Variants in NFASC observed in about 807,000 individuals in gnomAD.
The protein encoded by NFASC is neurofascin homolog.
A neutral mutation model predicts 147.5 loss-of-function variants in NFASC; 43 were observed. The ratio of observed to expected loss-of-function variants is 0.29; its 90% confidence interval spans 0.23 to 0.38. The LOEUF (loss-of-function observed/expected upper bound fraction) is 0.38. Ranked by LOEUF, NFASC falls within the 10% of genes least tolerant of loss-of-function variation. The pLI, the probability that NFASC is intolerant of heterozygous loss-of-function variation, is 1.00. For missense variants in NFASC, 1,320 were observed against 1,689.0 expected (o/e 0.78, Z 3.83); for synonymous variants, 622 against 665.5 (o/e 0.93, Z 1.01).
chr1:204,927,244 T>A (rs1389758325), intron 2 of NFASC, among the ~76,000 whole-genome samples: 44 of 152,072 alleles, frequency 2.9e-4, no homozygotes, highest in Admixed American at 2.9e-3. Context: ...CTTCCCCACC[T>A]CCACCCCCAG....
intron 1 of NFASC, among the ~76,000 whole-genome samples, chr1:204,836,836 A>G (rs1673932588): frequency 6.6e-6 from 1 of 152,262 alleles, no homozygotes; most frequent in African/African-American, 2.4e-5. Context: ...GAGCTAAACC[A>G]GGATTCTGTG....
chr1:204,981,873 G>C lies in NFASC; in HGVS notation c.2323G>C (p.Ala775Pro). 1.9e-6 allele frequency: 3 copies of C among 1,606,646 alleles called. No individual in the cohort carries two copies. Among genetic ancestry groups the C allele is most frequent in the Non-Finnish European group, 2.5e-6 (3 of 1,176,604 alleles). Reference sequence around the variant, plus strand: ...GTGGAGGCGGAGAGAGACTCGAGAGGCCTGGAACAACGTCACAGTGTGGGG... The same window carrying C: ...GTGGAGGCGGAGAGAGACTCGAGAGCCCTGGAACAACGTCACAGTGTGGGG... ...VKWRRRETREAWNNVTVWGSR... is the reference protein window; with the variant it reads ...VKWRRRETREPWNNVTVWGSR... The change falls in exon 21 of 30, where the codon GCC becomes CCC. Residue 775 changes from alanine to proline, a missense_variant. By Grantham distance (27) the Ala-to-Pro change is conservative. Around this residue, in one of 3 missense-constraint regions of NFASC, gnomAD observed 981 missense variants for 1,289.5 expected, o/e 0.76. Transcript: ENST00000339876.
intron 1 of NFASC, among the ~76,000 whole-genome samples, chr1:204,912,217 G>A (rs1477449795): frequency 4.6e-5 from 7 of 151,638 alleles, no homozygotes; most frequent in African/African-American, 1.5e-4. Context: ...GTTCCTCGAG[G>A]TGGGACCTTA....
At chr1:204,867,317 C>G in intron 1 of NFASC, among the ~76,000 whole-genome samples, 1 of 151,758 alleles carries the variant, frequency 6.6e-6, no homozygotes, top group East Asian at 1.9e-4. Flanking sequence ...GCATATGTGC[C>G]CACAAACACA....
chr1:204,977,088 A>C, intron 16 of NFASC: 1 of 1,212,282 alleles, frequency 8.2e-7, no homozygotes, highest in South Asian at 3.8e-5. Context: ...TGATCATTTT[A>C]CCTTTCTTAC....
At chr1:204,883,350 G>T (rs954733965) in intron 1 of NFASC, among the ~76,000 whole-genome samples, 6 of 152,318 alleles carry the variant, frequency 3.9e-5, no homozygotes, top group Admixed American at 3.9e-4. Context: ...GCTGTGCAGG[G>T]CTGGGGCGGC....
Position 204,939,038 on chromosome 1 carries a change from A to ATGTGTGTGTG in NFASC, c.-90-5148_-90-5139dup, listed in dbSNP as rs60166382. On this transcript the variant is annotated intron_variant, in intron 2 of 29. Transcript: ENST00000339876. ...TTCTCTTTTCTTCCTGTATGGATGG[A>ATGTGTGTGTG]TGTGTGTGTGTGTGTGTGTGTGTGT... 5.8e-3 allele frequency among the ~76,000 whole-genome samples: 723 copies of ATGTGTGTGTG among 123,676 alleles called. 10 individuals are homozygous for ATGTGTGTGTG. The highest frequency in any genetic ancestry group is 0.012 in the Middle Eastern group (3 of 244). 81.1% of individuals were successfully genotyped at this position (123,676 alleles called of 152,430 possible). A position where few individuals can be genotyped will look rare whatever the true frequency, so the allele number is the denominator to read the frequency against.
At chr1:204,920,766 T>G in intron 2 of NFASC, 26 bp downstream of exon 2, 1 of 1,144,122 alleles carries the variant, frequency 8.7e-7, no homozygotes, top group Non-Finnish European at 1.2e-6. Context: ...GCCTGGGGTA[T>G]GTGTCATTGG....
intron 2 of NFASC, among the ~76,000 whole-genome samples, chr1:204,935,968 C>T (rs888994340): frequency 1.3e-5 from 2 of 152,126 alleles, no homozygotes; most frequent in Non-Finnish European, 2.9e-5. Context: ...GTGGTTCTTC[C>T]TTCACTCAAC....
Position 204,979,813 on chromosome 1 carries a change from T to A in NFASC, c.2176+254T>A, listed in dbSNP as rs1419825672. The stretch of plus-strand genomic sequence containing the variant: ...GATAAATGCTAACTTCCATTTTTAT[T>A]ATTAGTAATTCTTGATTATCTGCTT... On this transcript the variant is annotated intron_variant, in intron 19 of 29. Coordinates refer to ENST00000339876, the MANE Select transcript of NFASC (RefSeq NM_001005388.3). The surrounding 1 kb of genome is among the most constrained non-coding windows in gnomAD (Gnocchi z 6.0). Among the ~76,000 whole-genome samples, 2 of 152,218 alleles carry A rather than the reference T, an allele frequency of 1.3e-5. No homozygotes were observed. The highest frequency in any genetic ancestry group is 4.8e-5 in the African/African-American group (2 of 41,458).
Position 204,944,363 on chromosome 1 carries a change from C to T in NFASC, c.48C>T (p.Leu16=). The T allele has an allele frequency of 6.2e-7, 1 of 1,612,932 alleles. No individual in the cohort carries two copies. ...CCTGGGTCCATGCAGCCTTCCTCCTCTGCCTCCTCAGTCTTGGCGGAGCCA... is the reference window on the plus strand; with the variant it reads ...CCTGGGTCCATGCAGCCTTCCTCCTTTGCCTCCTCAGTCTTGGCGGAGCCA... ...PPPWVHAAFL[L]CLLSLGGAIE... Residue 16 remains leucine (L), a synonymous_variant, in exon 3 of 30, where the codon CTC becomes CTT. Transcript: ENST00000339876.
At chr1:204,873,980 C>T (rs2078233672) in intron 1 of NFASC, among the ~76,000 whole-genome samples, 1 of 152,212 alleles carries the variant, frequency 6.6e-6, no homozygotes, top group Admixed American at 6.5e-5. Context: ...GGAACAGTCC[C>T]AGTTCAGCCC....
At chr1:204,974,582 C>T (rs1347369277) in intron 13 of NFASC, 75 bp from the exon 14 acceptor site, 1 of 1,531,270 alleles carries the variant, frequency 6.5e-7, no homozygotes. Context: ...CATGGTCTCT[C>T]TTGATTGGCT....
intron 29 of NFASC, among the ~76,000 whole-genome samples, chr1:205,014,475 G>A (rs953565516): frequency 1.3e-5 from 2 of 152,210 alleles, no homozygotes; most frequent in Admixed American, 1.3e-4. Context: ...CCAGTCTGTG[G>A]CTAAGTGGCC....
rs560856345 is a variant in NFASC, at chr1:204,880,579, T to G, written c.-199-40053T>G. Among the ~76,000 whole-genome samples, 348 of 152,134 alleles carry G rather than the reference T, an allele frequency of 2.3e-3. 1 individual carries two copies. Among genetic ancestry groups the G allele is most frequent in the Non-Finnish European group, 3.9e-3 (268 of 67,964 alleles). ...ACCATGTTAACCAGGATGGTCTCGA[T>G]CTCCTGACGTGCTGCACCCGCCTCA... On this transcript the variant is annotated intron_variant, in intron 1 of 29. Transcript: ENST00000339876.
chr1:205,016,759 T>A lies in NFASC; in HGVS notation c.*220T>A. ...CCGGGTGCCACCAGTGTGGGAGAGC[T>A]GGAGCCGTGGCTGAGCTCAGCTGGA... On this transcript the variant is annotated 3_prime_UTR_variant, in exon 30 of 30. Transcript: ENST00000339876. This position sits in a 1 kb window ranked among gnomAD's most constrained non-coding sequence, Gnocchi z 5.1. 1.6e-6 allele frequency: 1 copy of A among 613,720 alleles called. No homozygotes were observed. The highest frequency in any genetic ancestry group is 3.0e-6 in the Non-Finnish European group (1 of 333,422). 38.0% of individuals were successfully genotyped at this position (613,720 alleles called of 1,614,324 possible).
chr1:204,895,207 T>C (rs1251768866), intron 1 of NFASC, among the ~76,000 whole-genome samples: 1 of 152,174 alleles, frequency 6.6e-6, no homozygotes, highest in Non-Finnish European at 1.5e-5. Context: ...TGAGTTATTA[T>C]TGCTCACACC....
rs754770588 is a variant in NFASC, at chr1:204,944,379, G to C, written c.64G>C (p.Gly22Arg). 20 of 1,608,108 alleles carry C rather than the reference G, an allele frequency of 1.2e-5. No individual in the cohort carries two copies. Among genetic ancestry groups the C allele is most frequent in the Non-Finnish European group, 1.6e-5 (19 of 1,177,120 alleles). Reference sequence around the variant, plus strand: ...CTTCCTCCTCTGCCTCCTCAGTCTTGGCGGAGCCATCGAAATTCCTATGGA... The same window carrying C: ...CTTCCTCCTCTGCCTCCTCAGTCTTCGCGGAGCCATCGAAATTCCTATGGA... ...AAFLLCLLSL[G>R]GAIEIPMDPS... is the part of the protein sequence containing the mutation. The change falls in exon 3 of 30, where the codon GGC becomes CGC. Residue 22 changes from glycine to arginine, a missense_variant. Coordinates refer to ENST00000339876, the MANE Select transcript of NFASC (RefSeq NM_001005388.3).
intron 1 of NFASC, among the ~76,000 whole-genome samples, chr1:204,830,965 G>T (rs1426631846): frequency 1.3e-5 from 2 of 152,218 alleles, no homozygotes; most frequent in East Asian, 3.9e-4. Context: ...GGCACTGGCT[G>T]CACCTTGCTT....
Sources: allele counts gnomAD v4.1 joint callset (sites outside exome capture counted in the v4.1 genomes callset), GRCh38; gene constraint gnomAD v4.1.1; regional missense constraint gnomAD v4.1.1; non-coding constraint Gnocchi (gnomAD v3.1); transcripts MANE v1.5; gene names NCBI Gene and HGNC (gene_info 2026-07-23, HGNC 2026-07-21).